CD247: variants seen among roughly 807,000 people sequenced by gnomAD.
The protein encoded by CD247 is T-cell surface glycoprotein CD3 zeta chain.
A neutral mutation model predicts 30.0 loss-of-function variants in CD247; 13 were observed. The observed-to-expected ratio is 0.43, with a 90% CI of 0.28 to 0.69. The LOEUF is 0.69. Among genes scored for constraint, CD247 ranks in the 30% least tolerant of loss-of-function variants. The pLI is 0.16. For synonymous variants in CD247, 72 were observed against 80.0 expected, an observed-to-expected ratio of 0.90 and a Z score of 0.53; for missense variants, 193 against 212.6, an observed-to-expected ratio of 0.91 and a Z score of 0.57.
At chr1:167,504,190 TG>T (rs938828239) in intron 1 of CD247, among the ~76,000 whole-genome samples, 6 of 152,090 alleles carry the variant, frequency 3.9e-5, no homozygotes, top group Admixed American at 2.6e-4. Context: ...ACCTATCAAG[TG>T]GGGACATCAA....
At chr1:167,493,959 C>T (rs1413075613) in intron 1 of CD247, among the ~76,000 whole-genome samples, 3 of 152,178 alleles carry the variant, frequency 2.0e-5, no homozygotes, top group Non-Finnish European at 4.4e-5. Context: ...CCTATATGCT[C>T]TCACCATTGC....
intron 1 of CD247, among the ~76,000 whole-genome samples, chr1:167,517,822 G>A (rs1655679214): frequency 6.6e-6 from 1 of 152,166 alleles, no homozygotes; most frequent in South Asian, 2.1e-4. Flanking sequence ...GGTGGCGAAG[G>A]CGCTGTGGAG....
intron 1 of CD247, among the ~76,000 whole-genome samples, chr1:167,452,578 A>T (rs916138039): frequency 6.6e-6 from 1 of 152,166 alleles, no homozygotes; most frequent in African/African-American, 2.4e-5. Context: ...AATGTCACGC[A>T]CTGTGCTGGG....
intron 1 of CD247, among the ~76,000 whole-genome samples, chr1:167,442,573 A>G (rs913029321): frequency 9.2e-5 from 14 of 152,202 alleles, no homozygotes; most frequent in African/African-American, 2.9e-4. Context: ...TTCAGAGCAC[A>G]CGGTCACAGG....
chr1:167,475,325 C>T (rs1219126651), intron 1 of CD247, among the ~76,000 whole-genome samples: 2 of 152,110 alleles, frequency 1.3e-5, no homozygotes, highest in Admixed American at 6.5e-5. Flanking sequence ...TCCCCTCTCC[C>T]CTGGATTATT....
intron 1 of CD247, among the ~76,000 whole-genome samples, chr1:167,491,805 C>G (rs1654461684): frequency 6.6e-6 from 1 of 152,176 alleles, no homozygotes; most frequent in African/African-American, 2.4e-5. Flanking sequence ...GAAGGAAATT[C>G]AGACACATGC....
intron 1 of CD247, among the ~76,000 whole-genome samples, chr1:167,503,056 A>C (rs1321065093): frequency 6.6e-6 from 1 of 152,232 alleles, no homozygotes; most frequent in Non-Finnish European, 1.5e-5. Flanking sequence ...GAAGGAAGGA[A>C]TCATTATGAG....
At chr1:167,505,130 T>C (rs1007488002) in intron 1 of CD247, among the ~76,000 whole-genome samples, 8 of 152,146 alleles carry the variant, frequency 5.3e-5, no homozygotes, top group African/African-American at 1.4e-4. Context: ...TGACATTTTC[T>C]TTTCTTTTTC....
chr1:167,432,942 C>T (rs1396529974), intron 7 of CD247, 82 bp downstream of exon 7: 8 of 1,501,434 alleles, frequency 5.3e-6, no homozygotes, highest in African/African-American at 4.1e-5. Flanking sequence ...CTGGTGCCAC[C>T]AGCAGGCAAA....
rs542989304 is a variant in CD247 at position 167,482,317 on chromosome 1, T to G, written c.58+36091A>C. ...AATTCCCCCCTGGTGCTCACAAGAC[T>G]CTGATGATCAAGAAAGAAGGCGGGT... On this transcript the variant is annotated intron_variant, in intron 1 of 7. Coordinates refer to ENST00000362089, the MANE Select transcript of CD247 (RefSeq NM_198053.3). Among the ~76,000 whole-genome samples, 8 of 152,232 alleles carry G rather than the reference T, an allele frequency of 5.3e-5. No individual in the cohort carries two copies. The South Asian group carries it at 1.7e-3, about 32-fold the overall frequency.
At position 167,431,325 on chromosome 1, in the gene CD247, C is replaced by T. The variant is rs370083041; in HGVS notation, c.*356G>A. 6.8e-6 allele frequency: 4 copies of T among 589,676 alleles called. No homozygotes were observed. The highest frequency in any genetic ancestry group is 5.6e-5 in the African/African-American group (3 of 53,760). The allele number at this position is 589,676 out of a possible 1,614,324, so 36.5% of individuals were successfully genotyped here. ...CAGACATTAGGGCATGTGCTAGCATCTGCGCTTTCTCTGGGGACTTTACAA... is the reference window on the plus strand; with the variant it reads ...CAGACATTAGGGCATGTGCTAGCATTTGCGCTTTCTCTGGGGACTTTACAA... On this transcript the variant is annotated 3_prime_UTR_variant, in exon 8 of 8. Coordinates refer to ENST00000362089, the MANE Select transcript of CD247 (RefSeq NM_198053.3).
At chr1:167,510,459 T>C (rs1019375521) in intron 1 of CD247, among the ~76,000 whole-genome samples, 1 of 152,184 alleles carries the variant, frequency 6.6e-6, no homozygotes, top group African/African-American at 2.4e-5. Context: ...GGGCTTGGGC[T>C]CAGGCTTTTC....
At chr1:167,518,153 A>G (rs1251970670) in intron 1 of CD247, among the ~76,000 whole-genome samples, 1 of 151,836 alleles carries the variant, frequency 6.6e-6, no homozygotes, top group Non-Finnish European at 1.5e-5. Flanking sequence ...TTCCTCTCTT[A>G]TCACTCGAAA....
At chr1:167,455,773 G>A (rs1279850524) in intron 1 of CD247, among the ~76,000 whole-genome samples, 1 of 152,224 alleles carries the variant, frequency 6.6e-6, no homozygotes, top group Non-Finnish European at 1.5e-5. Context: ...GCTGGGGGCC[G>A]AGGGTCTGGT....
rs34588153 is a variant in CD247 at position 167,493,850 on chromosome 1, C to T, written c.58+24558G>A. Among the ~76,000 whole-genome samples, 1,229 of 152,258 alleles carry T rather than the reference C, an allele frequency of 8.1e-3. 16 individuals carry two copies. Among genetic ancestry groups the T allele is most frequent in the African/African-American group, 0.028 (1,169 of 41,540 alleles). On this transcript the variant is annotated intron_variant, in intron 1 of 7. Coordinates refer to ENST00000362089, the MANE Select transcript of CD247 (RefSeq NM_198053.3). ...TTAAGAAGCATTTTCCATAGGTGGG[C>T]ATCTGCTAGGCTTCTTTATCTAGAA...
In CD247 at chr1:167,483,017, T is replaced by TTCTTTCTTTCTTTCTTTCTTTCTTTC. The variant is rs761279615; in HGVS notation, c.58+35390_58+35391insGAAAGAAAGAAAGAAAGAAAGAAAGA. Among the ~76,000 whole-genome samples the TTCTTTCTTTCTTTCTTTCTTTCTTTC allele has an allele frequency of 6.9e-4, 92 of 133,364 alleles. 1 individual carries two copies. The highest frequency in any genetic ancestry group is 1.6e-3 in the African/African-American group (59 of 36,974). The allele number at this position is 133,364 out of a possible 152,430, so 87.5% of individuals were successfully genotyped here. ...TATTCTTTCTTTCTTTCTTTCTTTT[T>TTCTTTCTTTCTTTCTTTCTTTCTTTC]TTTTTTTTGAGACTGAGTTTCGCTG... On this transcript the variant is annotated intron_variant, in intron 1 of 7. Coordinates refer to ENST00000362089, the MANE Select transcript of CD247 (RefSeq NM_198053.3).
intron 1 of CD247, among the ~76,000 whole-genome samples, chr1:167,470,448 TA>T (rs1653460561): frequency 6.8e-6 from 1 of 146,792 alleles, no homozygotes. Context: ...CTGGGGGAAA[TA>T]TTTTTTTTAT....
chr1:167,458,862 C>A (rs1652850681), intron 1 of CD247, among the ~76,000 whole-genome samples: 1 of 151,732 alleles, frequency 6.6e-6, no homozygotes, highest in Non-Finnish European at 1.5e-5. Context: ...TGGCTCACGC[C>A]TGTAAATCCC....
intron 1 of CD247, among the ~76,000 whole-genome samples, chr1:167,455,978 CG>C (rs202090834): frequency 0.02 from 3,110 of 152,154 alleles, 120 homozygotes; most frequent in African/African-American, 0.071. Flanking sequence ...CCCGGAGAGA[CG>C]CAACCCTGAG....
Sources: gnomAD v4.1 joint callset for allele counts (sites outside exome capture counted in the v4.1 genomes callset) on GRCh38, gnomAD v4.1.1 for gene constraint, MANE v1.5 for transcripts, NCBI Gene and HGNC (gene_info 2026-07-23, HGNC 2026-07-21) for gene names.